IL1RAPL1: variants seen among roughly 807,000 people sequenced by gnomAD.
IL1RAPL1 encodes the protein interleukin 1 receptor accessory protein like 1.
Under a neutral mutation model 48.4 loss-of-function variants are expected in IL1RAPL1, and 3 were observed. The ratio of observed to expected loss-of-function variants is 0.06; its 90% CI spans 0.03 to 0.16. The LOEUF is 0.16. IL1RAPL1 is among the 10% of genes least tolerant of loss of function. IL1RAPL1 has a pLI of 1.00. For missense variants in IL1RAPL1, 349 were observed against 530.6 expected (o/e 0.66, Z 3.36); for synonymous variants, 185 against 187.7 (o/e 0.99, Z 0.12).
intron 2 of IL1RAPL1, among the ~76,000 whole-genome samples, chrX:28,904,845 CATA>C (rs1923175955): frequency 9.0e-6 from 1 of 111,699 alleles, no homozygotes; most frequent in Non-Finnish European, 1.9e-5. Flanking sequence ...AAAAGTTTTC[CATA>C]ATATTTCTAC....
At chrX:28,903,903 TA>T (rs1222750627) in intron 2 of IL1RAPL1, among the ~76,000 whole-genome samples, 10 of 110,133 alleles carry the variant, frequency 9.1e-5, no homozygotes, top group African/African-American at 3.3e-4. Flanking sequence ...AACTAATGAA[TA>T]AAATTACATG....
intron 8 of IL1RAPL1, among the ~76,000 whole-genome samples, chrX:29,924,939 C>G (rs1932873930): frequency 9.0e-6 from 1 of 111,680 alleles, no homozygotes; most frequent in African/African-American, 3.3e-5. Flanking sequence ...ATTTAGGATG[C>G]ATTGTTTTAA....
At chrX:29,725,150 C>G (rs1239532392) in intron 6 of IL1RAPL1, among the ~76,000 whole-genome samples, 2 of 110,995 alleles carry the variant, frequency 1.8e-5, no homozygotes, top group African/African-American at 6.6e-5. Flanking sequence ...TTAAACTGAT[C>G]TGGTCTTCTT....
At chrX:29,401,804 T>C (rs1252509277) in intron 5 of IL1RAPL1, among the ~76,000 whole-genome samples, 1 of 111,395 alleles carries the variant, frequency 9.0e-6, no homozygotes, top group Non-Finnish European at 1.9e-5. Flanking sequence ...TGAAAATGTA[T>C]ATCCTTAGCT....
intron 6 of IL1RAPL1, among the ~76,000 whole-genome samples, chrX:29,686,539 A>ATTTG (rs1284158965): frequency 1.6e-4 from 12 of 73,231 alleles, no homozygotes; most frequent in South Asian, 6.2e-4. Context: ...CTAAAGATTT[A>ATTTG]TTTATTTATT....
intron 6 of IL1RAPL1, among the ~76,000 whole-genome samples, chrX:29,669,954 A>G (rs1437609804): frequency 9.0e-6 from 1 of 111,691 alleles, no homozygotes; most frequent in Non-Finnish European, 1.9e-5. Context: ...TCAATAATTC[A>G]TAGGAAGATG....
At position 29,828,692 on chromosome X, in the gene IL1RAPL1, C is replaced by T. The variant is rs187660761; in HGVS notation, c.779-88772C>T. Among the ~76,000 whole-genome samples, 331 of 111,637 alleles carry T rather than the reference C, an allele frequency of 3.0e-3. 2 individuals are homozygous for T. The highest frequency in any genetic ancestry group is 4.5e-3 in the Non-Finnish European group (240 of 53,084). On this transcript the variant is annotated intron_variant, in intron 6 of 10. Coordinates refer to ENST00000378993, the MANE Select transcript of IL1RAPL1 (RefSeq NM_014271.4). ...CTATTTTATTTCTATGATATATAGC[C>T]CTGATGGACATTTTTTGGAATCTCT...
chrX:29,386,635 A>C (rs1213211082), intron 3 of IL1RAPL1, among the ~76,000 whole-genome samples: 1 of 107,001 alleles, frequency 9.3e-6, no homozygotes, highest in African/African-American at 3.4e-5. Flanking sequence ...CTCTGCTTCC[A>C]AGGCTCAGGT....
chrX:29,534,241 T>G (rs981602853), intron 5 of IL1RAPL1, among the ~76,000 whole-genome samples: 2 of 111,912 alleles, frequency 1.8e-5, no homozygotes, highest in African/African-American at 6.5e-5. Flanking sequence ...TAGTTTGTGC[T>G]TGCTTTATTT....
At chrX:28,706,660 C>T (rs1569155433) in intron 1 of IL1RAPL1, among the ~76,000 whole-genome samples, 1 of 111,524 alleles carries the variant, frequency 9.0e-6, no homozygotes. Context: ...GTGATCCACC[C>T]ACCTTGGCCT....
At chrX:29,836,182 ATTTTTCTTT>A (rs1384922053) in intron 6 of IL1RAPL1, among the ~76,000 whole-genome samples, 1 of 57,651 alleles carries the variant, frequency 1.7e-5, no homozygotes, top group African/African-American at 5.9e-5. Context: ...TTGTGTTTTC[ATTTTTCTTT>A]TTTTTTTTTT....
intron 6 of IL1RAPL1, among the ~76,000 whole-genome samples, chrX:29,820,706 T>G (rs1257774569): frequency 2.7e-5 from 3 of 112,191 alleles, no homozygotes; most frequent in African/African-American, 9.7e-5. Flanking sequence ...TTAGAAGTCC[T>G]TGGAATTTTC....
rs984106335 is a variant in IL1RAPL1, at chrX:28,747,008, A to T, written c.-24-42312A>T. 5.4e-5 allele frequency among the ~76,000 whole-genome samples: 6 copies of T among 110,643 alleles called. 1 individual carries two copies. The highest frequency in any genetic ancestry group is 1.3e-4 in the African/African-American group (4 of 30,456). On this transcript the variant is annotated intron_variant, in intron 1 of 10. Transcript: ENST00000378993. ...TTTTTCGTCTTTCTACTGGTTGGGGAATTATATATTCTATATACATTTTCT... is the reference window on the plus strand; with the variant it reads ...TTTTTCGTCTTTCTACTGGTTGGGGTATTATATATTCTATATACATTTTCT...
chrX:29,276,637 A>G (rs1932123792), intron 2 of IL1RAPL1, among the ~76,000 whole-genome samples: 1 of 111,766 alleles, frequency 8.9e-6, no homozygotes, highest in Non-Finnish European at 1.9e-5. Flanking sequence ...CCAAATATAT[A>G]TAGATATGGA....
intron 1 of IL1RAPL1, among the ~76,000 whole-genome samples, chrX:28,631,809 A>G (rs1601840574): frequency 8.9e-6 from 1 of 112,239 alleles, no homozygotes; most frequent in Admixed American, 9.4e-5. Context: ...TTATTGGGAG[A>G]CATAAGTACT....
At chrX:28,689,764 A>G (rs1230068561) in intron 1 of IL1RAPL1, among the ~76,000 whole-genome samples, 1 of 111,791 alleles carries the variant, frequency 8.9e-6, no homozygotes, top group Non-Finnish European at 1.9e-5. Context: ...AGGAATTTTT[A>G]TCTTTCATTG....
At chrX:29,879,649 G>GA (rs920115711) in intron 6 of IL1RAPL1, among the ~76,000 whole-genome samples, 1 of 108,943 alleles carries the variant, frequency 9.2e-6, no homozygotes, top group Non-Finnish European at 1.9e-5. Context: ...TTTGTCTTTG[G>GA]AAAAAAAAGC....
At chrX:29,670,975 G>A (rs140200268) in intron 6 of IL1RAPL1, among the ~76,000 whole-genome samples, 94 of 111,429 alleles carry the variant, frequency 8.4e-4, no homozygotes, top group African/African-American at 2.9e-3. Flanking sequence ...GACCTCAGAG[G>A]GATAACCAAA....
intron 2 of IL1RAPL1, among the ~76,000 whole-genome samples, chrX:29,172,607 A>G (rs1929931119): frequency 1.8e-5 from 2 of 111,728 alleles, no homozygotes; most frequent in African/African-American, 6.5e-5. Flanking sequence ...CATGCCCTCC[A>G]GGTGATTCTA....
Sources: allele counts gnomAD v4.1 joint callset (sites outside exome capture counted in the v4.1 genomes callset), GRCh38; gene constraint gnomAD v4.1.1; transcripts MANE v1.5; gene names NCBI Gene and HGNC (gene_info 2026-07-23, HGNC 2026-07-21).